The following SPATA13 variants were observed in gnomAD, a reference collection of about 807,000 sequenced individuals.
The protein encoded by SPATA13 is spermatogenesis-associated protein 13.
In SPATA13, 50 loss-of-function variants were observed where a neutral mutation model predicts 104.0. That is an observed-to-expected ratio of 0.48 (90% CI 0.38 to 0.61). SPATA13 has a LOEUF of 0.61. SPATA13 is among the 20% of genes least tolerant of loss of function. The probability of loss-of-function intolerance (pLI) is 0.00; values close to 1 mark genes in which losing one functional copy is unlikely to be tolerated. For missense variants in SPATA13, 1,524 were observed against 1,690.6 expected, an observed-to-expected ratio of 0.90 and a Z score of 1.73; for synonymous variants, 606 against 667.5, an observed-to-expected ratio of 0.91 and a Z score of 1.42.
intron 3 of SPATA13, among the ~76,000 whole-genome samples, chr13:24,251,056 A>G (rs1039934847): frequency 6.6e-6 from 1 of 152,260 alleles, no homozygotes; most frequent in African/African-American, 2.4e-5. Context: ...CGTATAAAGC[A>G]ACTGGGCCTT....
intron 3 of SPATA13, among the ~76,000 whole-genome samples, chr13:24,048,990 A>C (rs374869739): frequency 2.0e-5 from 3 of 152,362 alleles, no homozygotes; most frequent in African/African-American, 7.2e-5. Context: ...AAAGGAAATT[A>C]ATTGGGATAG....
At chr13:24,029,257 C>A (rs915811094) in intron 3 of SPATA13, among the ~76,000 whole-genome samples, 12 of 152,164 alleles carry the variant, frequency 7.9e-5, no homozygotes, top group African/African-American at 2.9e-4. Flanking sequence ...ACTTTAAAGT[C>A]TGGGGCAAAG....
intron 2 of SPATA13, among the ~76,000 whole-genome samples, chr13:24,239,330 A>G (rs566491714): frequency 2.4e-4 from 37 of 152,190 alleles, no homozygotes; most frequent in South Asian, 2.1e-4. Context: ...ACTAATTTCA[A>G]AAGTTGAAAG....
intron 4 of SPATA13, among the ~76,000 whole-genome samples, chr13:24,283,696 G>A (rs1875715274): frequency 6.6e-6 from 1 of 152,212 alleles, no homozygotes; most frequent in Non-Finnish European, 1.5e-5. Context: ...ACACTGTTGG[G>A]ATGTACTGGT....
At chr13:24,244,469 G>C (rs1239659312) in intron 2 of SPATA13, among the ~76,000 whole-genome samples, 1 of 152,180 alleles carries the variant, frequency 6.6e-6, no homozygotes, top group Non-Finnish European at 1.5e-5. Context: ...TGTCTCACTG[G>C]AGGTAACATA....
rs9580915 is a variant in SPATA13 at position 24,286,947 on chromosome 13, T to C, written c.2664T>C (p.Cys888=). 3.3e-3 allele frequency: 5,335 copies of C among 1,612,468 alleles called. 165 individuals carry two copies. The African/African-American group carries it at 0.064, about 19-fold the overall frequency. The change falls in exon 7 of 13, where the codon TGT becomes TGC. Residue 888 remains cysteine (C), a synonymous_variant. Coordinates refer to ENST00000382108, the MANE Select transcript of SPATA13 (RefSeq NM_001166271.3). This position sits in a 1 kb window ranked among gnomAD's most constrained non-coding sequence, Gnocchi z 4.9. ...ACATCAAACACCTCAGGGACATCTG[T>C]GAGGTGGGACGCCAGGCTGGGACCT... ...RVYIKHLRDI[C]EGYIRQCRKH... is the part of the protein sequence containing the mutation.
At chr13:24,010,836 G>A (rs954016318) in intron 2 of SPATA13, among the ~76,000 whole-genome samples, 2 of 151,972 alleles carry the variant, frequency 1.3e-5, no homozygotes, top group African/African-American at 4.8e-5. Flanking sequence ...GGGACGTGCT[G>A]GTTGGCAAAC....
intron 3 of SPATA13, among the ~76,000 whole-genome samples, chr13:24,036,416 A>ATGT (rs1190967388): frequency 6.6e-6 from 1 of 152,256 alleles, no homozygotes; most frequent in Non-Finnish European, 1.5e-5. Context: ...AAGGAGGAGT[A>ATGT]TGTAAGCAGA....
At position 24,111,184 on chromosome 13, in the gene SPATA13, C is replaced by T. The variant is rs576279601; in HGVS notation, c.-112+93483C>T. Among the ~76,000 whole-genome samples the T allele has an allele frequency of 2.2e-4, 34 of 151,924 alleles. No individual in the cohort carries two copies. In the East Asian group the frequency reaches 5.4e-3, roughly 24 times the overall value. ...CTTGACCTCCCAAAGAGGCCAGATA[C>T]ATGCATGAGCCACCACACACAGCCA... On this transcript the variant is annotated intron_variant, in intron 3 of 14. Transcript: ENST00000424834.
intron 2 of SPATA13, among the ~76,000 whole-genome samples, chr13:24,015,368 C>T (rs1310110065): frequency 6.6e-6 from 1 of 152,158 alleles, no homozygotes; most frequent in Non-Finnish European, 1.5e-5. Context: ...TAGCAATTTA[C>T]CTTTTGCTGA....
At chr13:24,019,334 C>T (rs1876870583) in intron 3 of SPATA13, among the ~76,000 whole-genome samples, 3 of 151,896 alleles carry the variant, frequency 2.0e-5, no homozygotes, top group Non-Finnish European at 2.9e-5. Context: ...GTGATCCGCC[C>T]GCCTCGGCCT....
intron 1 of SPATA13, among the ~76,000 whole-genome samples, chr13:24,199,570 T>A (rs890989697): frequency 6.6e-6 from 1 of 152,200 alleles, no homozygotes; most frequent in African/African-American, 2.4e-5. Flanking sequence ...ATCTGTGGTT[T>A]GTCTGTGTTT....
chr13:24,125,419 CA>C (rs1029180462), intron 3 of SPATA13, among the ~76,000 whole-genome samples: 2 of 152,092 alleles, frequency 1.3e-5, no homozygotes, highest in Non-Finnish European at 2.9e-5. Flanking sequence ...AGGCAGGAAC[CA>C]GGGGGCATGG....
chr13:24,280,775 A>C (rs1875442928), intron 4 of SPATA13, among the ~76,000 whole-genome samples: 1 of 152,042 alleles, frequency 6.6e-6, no homozygotes, highest in East Asian at 1.9e-4. Context: ...ACACTCATGC[A>C]TGAAAAAAAT....
chr13:24,068,536 T>A (rs1435603703), intron 3 of SPATA13, among the ~76,000 whole-genome samples: 2 of 152,190 alleles, frequency 1.3e-5, no homozygotes, highest in East Asian at 3.8e-4. Flanking sequence ...TGTCATTAGG[T>A]CTTTGAAGAA....
intron 3 of SPATA13, among the ~76,000 whole-genome samples, chr13:24,038,922 G>A (rs1877816140): frequency 6.6e-6 from 1 of 152,208 alleles, no homozygotes; most frequent in South Asian, 2.1e-4. Context: ...CAAATCCAGA[G>A]AAACCTGCTC....
At chr13:24,278,728 G>GT in intron 4 of SPATA13, 2 of 1,581,678 alleles carry the variant, frequency 1.3e-6, no homozygotes, top group Non-Finnish European at 1.7e-6. Flanking sequence ...CATTCAACAG[G>GT]TGAAAAAACA....
intron 2 of SPATA13, among the ~76,000 whole-genome samples, chr13:24,226,025 C>G (rs1433897362): frequency 6.6e-6 from 1 of 152,160 alleles, no homozygotes; most frequent in Non-Finnish European, 1.5e-5. Context: ...ATGTGTTGCT[C>G]CTCTCTGCAG....
At chr13:24,220,451 T>C (rs1364783789) in intron 1 of SPATA13, among the ~76,000 whole-genome samples, 3 of 152,206 alleles carry the variant, frequency 2.0e-5, no homozygotes, top group Non-Finnish European at 4.4e-5. Flanking sequence ...GATTAAACAA[T>C]CTCATTCATT....
Sources: gnomAD v4.1 joint callset for allele counts (sites outside exome capture counted in the v4.1 genomes callset) on GRCh38, gnomAD v4.1.1 for gene constraint, Gnocchi (gnomAD v3.1) non-coding constraint, MANE v1.5 for transcripts, NCBI Gene and HGNC (gene_info 2026-07-23, HGNC 2026-07-21) for gene names.